Variants in SLC41A3 observed in about 807,000 individuals in gnomAD.
SLC41A3 encodes the protein solute carrier family 41 member 3.
Under a neutral mutation model 45.4 loss-of-function variants are expected in SLC41A3, and 44 were observed. The ratio of observed to expected loss-of-function variants is 0.97; its 90% CI spans 0.76 to 1.25. The LOEUF is 1.25. Ranked by LOEUF, SLC41A3 falls within the 50% of genes most tolerant of loss-of-function variation. The probability of loss-of-function intolerance (pLI) is 0.00; values close to 1 mark genes in which losing one functional copy is unlikely to be tolerated. For synonymous variants in SLC41A3, 256 were observed against 252.4 expected (o/e 1.01, Z -0.13); for missense variants, 550 against 600.6 (o/e 0.92, Z 0.88).
intron 3 of SLC41A3, among the ~76,000 whole-genome samples, chr3:126,037,335 C>T (rs72979452): frequency 0.077 from 11,742 of 152,158 alleles, 612 homozygotes; most frequent in Middle Eastern, 0.17. Context: ...CAGAAGAAGA[C>T]AGGAAGATAA....
intron 1 of SLC41A3, among the ~76,000 whole-genome samples, chr3:126,082,522 G>A (rs1945207897): frequency 6.6e-6 from 1 of 152,240 alleles, no homozygotes. Flanking sequence ...GGGCAGGACA[G>A]GTTGTGGACC....
intron 9 of SLC41A3, among the ~76,000 whole-genome samples, chr3:126,009,646 G>GA (rs1215280661): frequency 1.3e-5 from 2 of 152,142 alleles, no homozygotes; most frequent in Non-Finnish European, 2.9e-5. Flanking sequence ...AATAAAAGGA[G>GA]AAAAAAGGTC....
chr3:126,015,481 T>C lies in SLC41A3; in HGVS notation c.970+13A>G, dbSNP rs1404325565. On this transcript the variant is annotated intron_variant, in intron 8 of 10. Transcript: ENST00000360370. ...CAACCCAGGGACCACATGGGAACCC[T>C]TCAAATACGTACCACATATGACGGG... 1 of 1,613,998 alleles carries C rather than the reference T, an allele frequency of 6.2e-7. No individual in the cohort carries two copies. Among genetic ancestry groups the C allele is most frequent in the Admixed American group, 1.7e-5 (1 of 60,024 alleles).
At chr3:126,028,877 T>A (rs1369296029) in intron 4 of SLC41A3, among the ~76,000 whole-genome samples, 1 of 152,262 alleles carries the variant, frequency 6.6e-6, no homozygotes, top group Non-Finnish European at 1.5e-5. Context: ...AGCTTTAAAA[T>A]TTAATGACTG....
At chr3:126,072,976 G>A (rs2108047342) in intron 1 of SLC41A3, among the ~76,000 whole-genome samples, 1 of 152,294 alleles carries the variant, frequency 6.6e-6, no homozygotes, top group Non-Finnish European at 1.5e-5. Context: ...CAACATGGAT[G>A]GAACTGGAGG....
intron 2 of SLC41A3, among the ~76,000 whole-genome samples, chr3:126,063,956 C>CCCCCCCCCG (rs1002674529): frequency 7.0e-6 from 1 of 142,102 alleles, no homozygotes; most frequent in Non-Finnish European, 1.6e-5. Flanking sequence ...CCAACCCCCC[C>CCCCCCCCCG]CCGGGGACAC....
chr3:126,073,503 G>A (rs983935634), intron 1 of SLC41A3, among the ~76,000 whole-genome samples: 1 of 151,802 alleles, frequency 6.6e-6, no homozygotes, highest in Admixed American at 6.6e-5. Context: ...TTATTACCTG[G>A]GTGACAAAAT....
At chr3:126,071,152 T>C (rs926194728) in intron 1 of SLC41A3, among the ~76,000 whole-genome samples, 1 of 152,188 alleles carries the variant, frequency 6.6e-6, no homozygotes, top group African/African-American at 2.4e-5. Flanking sequence ...TCCCATCTTA[T>C]CAATTATTAC....
At chr3:126,051,088 A>G (rs1185078508) in intron 2 of SLC41A3, 38 bp from the exon 3 acceptor site, 1 of 1,520,986 alleles carries the variant, frequency 6.6e-7, no homozygotes, top group Non-Finnish European at 8.9e-7. Flanking sequence ...CCAAACACAC[A>G]CATCAGCAAA....
chr3:126,011,804 C>T (rs556501852), intron 9 of SLC41A3, among the ~76,000 whole-genome samples: 2 of 152,204 alleles, frequency 1.3e-5, no homozygotes, highest in Non-Finnish European at 2.9e-5. Flanking sequence ...ACTATTGACA[C>T]CGAATTTTAC....
At chr3:126,056,478 G>C (rs58595496) in intron 2 of SLC41A3, 45,729 of 1,614,128 alleles carry the variant, frequency 0.028, 1,313 homozygotes, top group East Asian at 0.17. Flanking sequence ...GTGGGGACCG[G>C]GTAAGCTCAC....
At chr3:126,056,860 T>C in intron 2 of SLC41A3, 2 of 1,188,226 alleles carry the variant, frequency 1.7e-6, no homozygotes, top group Non-Finnish European at 2.1e-6. Context: ...CGCCGGGACC[T>C]CCCTCTGCCA....
At chr3:126,018,177 G>A (rs1940498126) in intron 6 of SLC41A3, among the ~76,000 whole-genome samples, 1 of 152,138 alleles carries the variant, frequency 6.6e-6, no homozygotes, top group Non-Finnish European at 1.5e-5. Context: ...ACAGAGAGAA[G>A]GTCACAGTCT....
At chr3:126,086,725 G>T (rs185540310), upstream of SLC41A3, among the ~76,000 whole-genome samples, 315 of 152,128 alleles carry the variant, frequency 2.1e-3, no homozygotes, top group African/African-American at 7.3e-3. Flanking sequence ...GCTGACAACT[G>T]CCCAGGGTGA....
intron 1 of SLC41A3, among the ~76,000 whole-genome samples, chr3:126,068,934 A>C (rs578175631): frequency 6.6e-6 from 1 of 152,332 alleles, no homozygotes; most frequent in South Asian, 2.1e-4. Flanking sequence ...AGAAGTTAGT[A>C]GAAAACAATT....
chr3:126,078,366 G>C (rs1251895480), intron 1 of SLC41A3, among the ~76,000 whole-genome samples: 1 of 152,206 alleles, frequency 6.6e-6, no homozygotes, highest in Non-Finnish European at 1.5e-5. Context: ...AGATCATGGA[G>C]AGACAGCTAG....
rs1266327657 is a variant in SLC41A3, at chr3:126,056,941, A to G, written c.274-5891T>C. 1.2e-5 allele frequency: 13 copies of G among 1,083,474 alleles called. No individual in the cohort carries two copies. The Admixed American group carries it at 4.9e-4, about 41-fold the overall frequency. 67.1% of individuals were successfully genotyped at this position (1,083,474 alleles called of 1,614,324 possible). On this transcript the variant is annotated intron_variant, in intron 2 of 10. Transcript: ENST00000360370. ...AATCAGCAGCCCAGCAGGCTGGTCC[A>G]TACTGGCTTGGGCTGGACAGAGCTG...
chr3:126,054,980 G>A (rs1306015144), intron 2 of SLC41A3, among the ~76,000 whole-genome samples: 1 of 152,014 alleles, frequency 6.6e-6, no homozygotes, highest in East Asian at 2.0e-4. Context: ...CCCAAAAGGG[G>A]ATGAGCGTCC....
chr3:126,064,970 G>T (rs904678109), intron 2 of SLC41A3, among the ~76,000 whole-genome samples: 2 of 152,246 alleles, frequency 1.3e-5, no homozygotes, highest in African/African-American at 4.8e-5. Context: ...TTTCACCCAA[G>T]GGAGGTTTCT....
Sources: allele counts gnomAD v4.1 joint callset (sites outside exome capture counted in the v4.1 genomes callset), GRCh38; gene constraint gnomAD v4.1.1; transcripts MANE v1.5; gene names NCBI Gene and HGNC (gene_info 2026-07-23, HGNC 2026-07-21).